Variants in DLG2 observed in about 807,000 individuals in gnomAD.
DLG2 encodes disks large homolog 2.
DLG2 carries 45 observed loss-of-function variants against 132.5 expected under a neutral mutation model. That is an observed-to-expected ratio of 0.34 (90% CI 0.27 to 0.44). The LOEUF is 0.44. DLG2 is among the 20% of genes least tolerant of loss of function. DLG2 has a pLI of 1.00. For missense variants in DLG2, 1,045 were observed against 1,196.9 expected (o/e 0.87, Z 1.87); for synonymous variants, 424 against 419.6 (o/e 1.01, Z -0.13).
intron 6 of DLG2, among the ~76,000 whole-genome samples, chr11:85,108,347 G>A (rs572222649): frequency 8.0e-4 from 121 of 152,112 alleles, no homozygotes; most frequent in African/African-American, 1.5e-3. Context: ...CAATTTATTA[G>A]GCCTGTAAGT....
At chr11:85,398,181 G>T (rs1470773352) in intron 3 of DLG2, among the ~76,000 whole-genome samples, 1 of 152,094 alleles carries the variant, frequency 6.6e-6, no homozygotes, top group Non-Finnish European at 1.5e-5. Flanking sequence ...AATGACTAGT[G>T]GGTAAATAAC....
Position 85,478,178 on chromosome 11 carries a change from T to TTTTATTTA in DLG2, c.40+120471_40+120478dup, listed in dbSNP as rs879558022. On this transcript the variant is annotated intron_variant, in intron 3 of 27. Transcript: ENST00000376104. The stretch of plus-strand genomic sequence containing the variant: ...TTTGTCACCATGCCCTACTAACTTA[T>TTTTATTTA]TTTATTTATTTATTTATTTATTTTG... Among the ~76,000 whole-genome samples, 11 of 151,892 alleles carry TTTTATTTA rather than the reference T, an allele frequency of 7.2e-5. No homozygotes were observed. The East Asian group carries it at 2.1e-3, about 29-fold the overall frequency.
At chr11:83,521,594 T>C (rs986344939) in intron 21 of DLG2, among the ~76,000 whole-genome samples, 1 of 152,140 alleles carries the variant, frequency 6.6e-6, no homozygotes, top group African/African-American at 2.4e-5. Flanking sequence ...AAAGCATACA[T>C]ACAATTTTAA....
At chr11:84,814,300 T>A (rs1226082311) in intron 6 of DLG2, among the ~76,000 whole-genome samples, 1 of 152,042 alleles carries the variant, frequency 6.6e-6, no homozygotes, top group Admixed American at 6.6e-5. Context: ...AGAAAGTCGC[T>A]ATCGGGACCT....
At position 84,934,504 on chromosome 11, in the gene DLG2, GTT is replaced by G. The variant is rs113436905; in HGVS notation, c.357+177155_357+177156del. Among the ~76,000 whole-genome samples, 144 of 33,874 alleles carry G rather than the reference GTT, an allele frequency of 4.3e-3. 5 individuals carry two copies. Among genetic ancestry groups the G allele is most frequent in the African/African-American group, 0.024 (136 of 5,748 alleles). 22.2% of individuals were successfully genotyped at this position (33,874 alleles called of 152,430 possible). On this transcript the variant is annotated intron_variant, in intron 6 of 27. Coordinates refer to ENST00000376104, the MANE Select transcript of DLG2 (RefSeq NM_001142699.3). Reference sequence around the variant, plus strand: ...TCTGTGAATCTGTATGGTCCTGGGTGTTTTTTTTTTGTTTTGTTTTGTTTTTT... The same window carrying G: ...TCTGTGAATCTGTATGGTCCTGGGTGTTTTTTTTGTTTTGTTTTGTTTTTT...
chr11:84,674,535 T>A (rs2099709282), intron 6 of DLG2, among the ~76,000 whole-genome samples: 1 of 152,084 alleles, frequency 6.6e-6, no homozygotes, highest in East Asian at 1.9e-4. Flanking sequence ...CTTATTAACT[T>A]ATAGAACTGA....
intron 11 of DLG2, among the ~76,000 whole-genome samples, chr11:84,000,373 A>C (rs149088412): frequency 1.4e-4 from 21 of 152,244 alleles, no homozygotes; most frequent in African/African-American, 5.1e-4. Context: ...CACATGGGAC[A>C]CCATAAAGGG....
chr11:84,345,682 C>G (rs1034505404), intron 7 of DLG2, among the ~76,000 whole-genome samples: 4 of 151,872 alleles, frequency 2.6e-5, no homozygotes, highest in African/African-American at 9.7e-5. Context: ...TTCTCTGGTA[C>G]TTTGTAATGA....
intron 3 of DLG2, among the ~76,000 whole-genome samples, chr11:85,511,468 C>A (rs1004906770): frequency 6.6e-6 from 1 of 152,036 alleles, no homozygotes; most frequent in Non-Finnish European, 1.5e-5. Flanking sequence ...AATGGCATCT[C>A]TCTTAGAACA....
chr11:85,476,485 C>A (rs2093146436), intron 3 of DLG2, among the ~76,000 whole-genome samples: 1 of 152,074 alleles, frequency 6.6e-6, no homozygotes, highest in South Asian at 2.1e-4. Flanking sequence ...CTTTACACAT[C>A]TTTTAATTTT....
chr11:84,666,031 C>T (rs996166139), intron 6 of DLG2, among the ~76,000 whole-genome samples: 1 of 152,140 alleles, frequency 6.6e-6, no homozygotes, highest in African/African-American at 2.4e-5. Context: ...GCCCTCCCCT[C>T]CCCTATAGGC....
chr11:83,571,779 T>C (rs1278486006), intron 19 of DLG2, among the ~76,000 whole-genome samples: 1 of 152,090 alleles, frequency 6.6e-6, no homozygotes, highest in Non-Finnish European at 1.5e-5. Context: ...ATGCCAGAGA[T>C]TGGTATGGGA....
At chr11:85,059,849 C>G (rs1022993634) in intron 6 of DLG2, among the ~76,000 whole-genome samples, 4 of 151,498 alleles carry the variant, frequency 2.6e-5, no homozygotes, top group Admixed American at 2.0e-4. Context: ...AGCTATGCAC[C>G]CTGTGAGCTT....
chr11:84,784,382 T>C (rs1179054551), intron 6 of DLG2, among the ~76,000 whole-genome samples: 1 of 147,938 alleles, frequency 6.8e-6, no homozygotes, highest in African/African-American at 2.5e-5. Flanking sequence ...AACAAGAGTA[T>C]AGAACATAAA....
At chr11:85,489,094 T>C (rs1358065920) in intron 3 of DLG2, among the ~76,000 whole-genome samples, 1 of 152,030 alleles carries the variant, frequency 6.6e-6, no homozygotes, top group African/African-American at 2.4e-5. Context: ...CTTGAACATA[T>C]ACAATTACAG....
intron 6 of DLG2, among the ~76,000 whole-genome samples, chr11:84,732,476 T>C (rs563930862): frequency 6.6e-6 from 1 of 152,162 alleles, no homozygotes; most frequent in East Asian, 1.9e-4. Context: ...TGTGTAATAG[T>C]ACCTCATTAT....
At chr11:84,657,636 T>C (rs553857686) in intron 6 of DLG2, among the ~76,000 whole-genome samples, 1 of 152,194 alleles carries the variant, frequency 6.6e-6, no homozygotes, top group South Asian at 2.1e-4. Flanking sequence ...CAGTTCACAA[T>C]AGGTTTCCTG....
At chr11:85,050,931 A>G (rs2062826774) in intron 6 of DLG2, among the ~76,000 whole-genome samples, 1 of 152,028 alleles carries the variant, frequency 6.6e-6, no homozygotes, top group African/African-American at 2.4e-5. Context: ...TTTTTCGTCT[A>G]GCTGGGTCTG....
chr11:85,127,262 T>TTC lies in DLG2; in HGVS notation c.283-15529_283-15528dup, dbSNP rs573211019. Among the ~76,000 whole-genome samples the TTC allele has an allele frequency of 1.7e-4, 18 of 108,694 alleles. No individual in the cohort carries two copies. The South Asian group carries it at 5.9e-3, about 36-fold the overall frequency. 71.3% of individuals were successfully genotyped at this position (108,694 alleles called of 152,430 possible). A position where few individuals can be genotyped will look rare whatever the true frequency, so the allele number is the denominator to read the frequency against. On this transcript the variant is annotated intron_variant, in intron 5 of 27. Coordinates refer to ENST00000376104, the MANE Select transcript of DLG2 (RefSeq NM_001142699.3). ...CCCCCGCCCCCCACCCACTCTCTCT[T>TTC]TCTATCTCTCTCTCTCTCCCCACAC...
Sources: allele counts gnomAD v4.1 joint callset (sites outside exome capture counted in the v4.1 genomes callset), GRCh38; gene constraint gnomAD v4.1.1; transcripts MANE v1.5; gene names NCBI Gene and HGNC (gene_info 2026-07-23, HGNC 2026-07-21).